Variants in VPS37D observed in about 807,000 individuals in gnomAD.
VPS37D encodes the protein vacuolar protein sorting-associated protein 37D.
A neutral mutation model predicts 22.0 loss-of-function variants in VPS37D; 5 were observed. That is an observed-to-expected ratio of 0.23 (90% CI 0.12 to 0.48). The LOEUF is 0.48. Ranked by LOEUF, VPS37D falls within the 20% of genes least tolerant of loss-of-function variation. The probability of loss-of-function intolerance (pLI) is 0.99; values close to 1 mark genes in which losing one functional copy is unlikely to be tolerated. For synonymous variants in VPS37D, 174 were observed against 159.3 expected (o/e 1.09, Z -0.69); for missense variants, 384 against 345.8 (o/e 1.11, Z -0.88).
At chr7:73,666,708 C>T (rs797042780), upstream of VPS37D, among the ~76,000 whole-genome samples, 4 of 152,170 alleles carry the variant, frequency 2.6e-5, no homozygotes, top group African/African-American at 9.6e-5. Context: ...CTCTGTGATG[C>T]TTCTGCATGT....
rs1554608945 is a variant in VPS37D at position 73,667,885 on chromosome 7, AGCGGAGCGGAGCCGGG to A, written c.-64_-49del. On this transcript the variant is annotated 5_prime_UTR_variant, in exon 1 of 4. Coordinates refer to ENST00000324941, the MANE Select transcript of VPS37D (RefSeq NM_001077621.2). Reference sequence around the variant, plus strand: ...GGATCCTGGAGCCGGAGCGGAGCGGAGCGGAGCGGAGCCGGGGCGGAGCGGGCCGAGCGGGCCGAGC... The same window carrying A: ...GGATCCTGGAGCCGGAGCGGAGCGGAGCGGAGCGGGCCGAGCGGGCCGAGC... 1.1e-5 allele frequency: 5 copies of A among 458,760 alleles called. No homozygotes were observed. The highest frequency in any genetic ancestry group is 2.2e-5 in the African/African-American group (1 of 45,744). 28.4% of individuals were successfully genotyped at this position (458,760 alleles called of 1,614,324 possible). A position where few individuals can be genotyped will look rare whatever the true frequency, so the allele number is the denominator to read the frequency against.
chr7:73,668,854 T>C (rs556964472), intron 1 of VPS37D, among the ~76,000 whole-genome samples: 1 of 151,520 alleles, frequency 6.6e-6, no homozygotes, highest in Non-Finnish European at 1.5e-5. Flanking sequence ...GGTGTGAGGA[T>C]TCCACTGGAG....
chr7:73,669,634 G>T (rs372261948), intron 2 of VPS37D, 44 bp downstream of exon 2: 216 of 1,548,076 alleles, frequency 1.4e-4, no homozygotes, highest in Non-Finnish European at 1.8e-4. Flanking sequence ...GGTGGGGGCA[G>T]TTGGCCATCC....
upstream of VPS37D, among the ~76,000 whole-genome samples, chr7:73,666,012 G>A (rs149458020): frequency 1.3e-5 from 2 of 152,206 alleles, no homozygotes; most frequent in African/African-American, 2.4e-5. Context: ...CACCACGGCC[G>A]GCTACTTTAT....
chr7:73,670,096 G>C lies in VPS37D; in HGVS notation c.387G>C (p.Glu129Asp). ...CTGAGCTAGAAGAGGCGGAGCAGGA[G>C]GCAGAGGTGAGGGGAGGGGTGGCTG... ...LQAELEEAEQEAEEQMEQLLL... is the reference protein window; with the variant it reads ...LQAELEEAEQDAEEQMEQLLL... The change falls in exon 3 of 4, where the codon GAG becomes GAC. Residue 129 changes from glutamate (E) to aspartate (D), a missense_variant. Coordinates refer to ENST00000324941, the MANE Select transcript of VPS37D (RefSeq NM_001077621.2). 1 of 1,551,398 alleles carries C rather than the reference G, an allele frequency of 6.4e-7. No homozygotes were observed. Among genetic ancestry groups the C allele is most frequent in the Non-Finnish European group, 8.7e-7 (1 of 1,146,994 alleles).
chr7:73,671,311 T>A lies in VPS37D; in HGVS notation c.691T>A (p.Cys231Ser). The A allele has an allele frequency of 2.2e-6, 3 of 1,365,778 alleles. No homozygotes were observed. Among genetic ancestry groups the A allele is most frequent in the Non-Finnish European group, 2.9e-6 (3 of 1,049,464 alleles). The allele number at this position is 1,365,778 out of a possible 1,614,324, so 84.6% of individuals were successfully genotyped here. The change falls in exon 4 of 4, where the codon TGC (cysteine) becomes AGC (serine). Residue 231 changes from cysteine (C) to serine (S), a missense_variant. Coordinates refer to ENST00000324941, the MANE Select transcript of VPS37D (RefSeq NM_001077621.2). ...GCCCCCACTGAAGGGCTCCCCCGGGTGCCCCCTCGGCCCGGCCCCCCTGCT... is the reference window on the plus strand; with the variant it reads ...GCCCCCACTGAAGGGCTCCCCCGGGAGCCCCCTCGGCCCGGCCCCCCTGCT... Reference protein sequence around the residue: ...PVPPLKGSPGCPLGPAPLLSP... With the variant: ...PVPPLKGSPGSPLGPAPLLSP...
In VPS37D at chr7:73,669,600, C is replaced by T. The variant is rs367679235; in HGVS notation, c.310+10C>T. On this transcript the variant is annotated intron_variant, in intron 2 of 3. Transcript: ENST00000324941. The stretch of plus-strand genomic sequence containing the variant: ...AAGCTGCAGCGACTGGGTGAGGGCA[C>T]GTCTGGGAGAACCCCCTGGGGCTGG... 54 of 1,582,156 alleles carry T rather than the reference C, an allele frequency of 3.4e-5. No homozygotes were observed. The African/African-American group carries it at 5.9e-4, about 17-fold the overall frequency.
chr7:73,671,546 A>T lies in VPS37D; in HGVS notation c.*170A>T. The T allele has an allele frequency of 1.4e-5, 2 of 138,032 alleles. No individual in the cohort carries two copies. Among genetic ancestry groups the T allele is most frequent in the African/African-American group, 3.0e-5 (1 of 33,568 alleles). 8.6% of individuals were successfully genotyped at this position (138,032 alleles called of 1,614,324 possible). A position where few individuals can be genotyped will look rare whatever the true frequency, so the allele number is the denominator to read the frequency against. ...AGGAGGGTCCCCTGGAAGAGGCCCG[A>T]GAGGGGGCTGGGGGTGGGTGGGCAG... On this transcript the variant is annotated 3_prime_UTR_variant, in exon 4 of 4. Transcript: ENST00000324941.
At chr7:73,665,480 G>A (rs1584191461), upstream of VPS37D, among the ~76,000 whole-genome samples, 1 of 152,186 alleles carries the variant, frequency 6.6e-6, no homozygotes. Flanking sequence ...CTTCCTGGAG[G>A]TGGTGATATT....
upstream of VPS37D, among the ~76,000 whole-genome samples, chr7:73,666,184 C>T (rs1234545575): frequency 6.6e-6 from 1 of 152,140 alleles, no homozygotes; most frequent in Non-Finnish European, 1.5e-5. Context: ...ATGGGAATCA[C>T]AAAGCCATCA....
In VPS37D at chr7:73,671,284, G is replaced by A; in HGVS notation, c.664G>A (p.Val222Met). 2 of 1,441,240 alleles carry A rather than the reference G, an allele frequency of 1.4e-6. No individual in the cohort carries two copies. Among genetic ancestry groups the A allele is most frequent in the South Asian group, 1.4e-5 (1 of 69,734 alleles). The allele number at this position is 1,441,240 out of a possible 1,614,324, so 89.3% of individuals were successfully genotyped here. ...RSLPPLDSRPVPPLKGSPGCP... is the reference protein window; with the variant it reads ...RSLPPLDSRPMPPLKGSPGCP... Reference sequence around the variant, plus strand: ...CCTGCCCCCCTTGGACTCCCGCCCAGTGCCCCCACTGAAGGGCTCCCCCGG... The same window carrying A: ...CCTGCCCCCCTTGGACTCCCGCCCAATGCCCCCACTGAAGGGCTCCCCCGG... Residue 222 changes from valine (V) to methionine (M), a missense_variant, in exon 4 of 4, where the codon GTG (valine) becomes ATG (methionine). Coordinates refer to ENST00000324941, the MANE Select transcript of VPS37D (RefSeq NM_001077621.2).
rs782198360 is a variant in VPS37D, at chr7:73,670,931, G to T, written c.394-83G>T. 113 of 1,528,216 alleles carry T rather than the reference G, an allele frequency of 7.4e-5. No individual in the cohort carries two copies. In the Admixed American group the frequency reaches 1.1e-3, roughly 15 times the overall value. 94.7% of individuals were successfully genotyped at this position (1,528,216 alleles called of 1,614,324 possible). A position where few individuals can be genotyped will look rare whatever the true frequency, so the allele number is the denominator to read the frequency against. ...GCTGAGGGGTGATCACCATGGGGAG[G>T]GCCTCAGGGTGGGAAGGAGTGAGGA... On this transcript the variant is annotated intron_variant, in intron 3 of 3. Coordinates refer to ENST00000324941, the MANE Select transcript of VPS37D (RefSeq NM_001077621.2).
chr7:73,666,062 C>T (rs1797366791), upstream of VPS37D, among the ~76,000 whole-genome samples: 1 of 152,106 alleles, frequency 6.6e-6, no homozygotes, highest in Non-Finnish European at 1.5e-5. Flanking sequence ...ATTGTGTTGC[C>T]CAGGCTGGGT....
At position 73,671,396 on chromosome 7, in the gene VPS37D, C is replaced by A. The variant is rs947037582; in HGVS notation, c.*20C>A. 2 of 1,352,756 alleles carry A rather than the reference C, an allele frequency of 1.5e-6. No individual in the cohort carries two copies. Among genetic ancestry groups the A allele is most frequent in the South Asian group, 1.7e-5 (1 of 58,040 alleles). 83.8% of individuals were successfully genotyped at this position (1,352,756 alleles called of 1,614,324 possible). A position where few individuals can be genotyped will look rare whatever the true frequency, so the allele number is the denominator to read the frequency against. ...CGGTAGGATCCACGGTGCGGCCCCC[C>A]AGTTGGGGGGCCTAGACAAACTTGA... On this transcript the variant is annotated 3_prime_UTR_variant, in exon 4 of 4. Transcript: ENST00000324941.
At chr7:73,669,672 C>A in intron 2 of VPS37D, 82 bp downstream of exon 2, 1 of 1,368,344 alleles carries the variant, frequency 7.3e-7, no homozygotes, top group Non-Finnish European at 9.7e-7. Context: ...AAGTGCCAGG[C>A]TCTGATGGAT....
At chr7:73,669,720 T>A in intron 2 of VPS37D, 130 bp downstream of exon 2, 1 of 1,106,296 alleles carries the variant, frequency 9.0e-7, no homozygotes, top group Non-Finnish European at 1.2e-6. Context: ...TGCTGGGCAG[T>A]AGAGTTGAGG....
rs2116626141 is a variant in VPS37D, at chr7:73,668,108, G to A, written c.138+12G>A. The stretch of plus-strand genomic sequence containing the variant: ...GGCTCAGCAGGAAGGTAGCGCGGGG[G>A]GCTCGAGCGGGGGGCGCGGGGGACG... On this transcript the variant is annotated intron_variant, in intron 1 of 3. Coordinates refer to ENST00000324941, the MANE Select transcript of VPS37D (RefSeq NM_001077621.2). 2 of 1,092,412 alleles carry A rather than the reference G, an allele frequency of 1.8e-6. No individual in the cohort carries two copies. The highest frequency in any genetic ancestry group is 5.9e-5 in the East Asian group (1 of 17,082). The allele number at this position is 1,092,412 out of a possible 1,614,324, so 67.7% of individuals were successfully genotyped here.
intron 1 of VPS37D, 60 bp downstream of exon 1, chr7:73,668,156 C>G: frequency 9.8e-7 from 1 of 1,020,418 alleles, no homozygotes; most frequent in Non-Finnish European, 1.2e-6. Context: ...CGGGACCTGC[C>G]GCTCGAGGGA....
rs782503806 is a variant in VPS37D, at chr7:73,671,140, C to T, written c.520C>T (p.Arg174Cys). 2.1e-5 allele frequency: 34 copies of T among 1,607,226 alleles called. No homozygotes were observed. The South Asian group carries it at 3.5e-4, about 17-fold the overall frequency. The change falls in exon 4 of 4, where the codon CGT becomes TGT. Residue 174 changes from arginine to cysteine, a missense_variant. Coordinates refer to ENST00000324941, the MANE Select transcript of VPS37D (RefSeq NM_001077621.2). ...AGAGAAGCTGCAGGAGCTGCTGCGG[C>T]GTCGGGAGCGTTCTGCCCAGCCGGC... Reference protein sequence around the residue: ...QAEKLQELLRRRERSAQPAPT... With the variant: ...QAEKLQELLRCRERSAQPAPT...
Sources: allele counts gnomAD v4.1 joint callset (sites outside exome capture counted in the v4.1 genomes callset), GRCh38; gene constraint gnomAD v4.1.1; transcripts MANE v1.5; gene names NCBI Gene and HGNC (gene_info 2026-07-23, HGNC 2026-07-21).